FBN3: variants seen among roughly 807,000 people sequenced by gnomAD.
The protein encoded by FBN3 is fibrillin 3.
In FBN3, 234 loss-of-function variants were observed where a neutral mutation model predicts 330.1. The observed-to-expected ratio is 0.71, with a 90% CI of 0.64 to 0.79. The LOEUF is 0.79. Ranked by LOEUF, FBN3 falls within the 30% of genes least tolerant of loss-of-function variation. The probability of loss-of-function intolerance (pLI) is 0.00; values close to 1 mark genes in which losing one functional copy is unlikely to be tolerated. For missense variants in FBN3, 3,606 were observed against 3,886.9 expected (o/e 0.93, Z 1.92); for synonymous variants, 1,458 against 1,517.3 (o/e 0.96, Z 0.91).
chr19:8,108,322 A>G, intron 36 of FBN3, 84 bp from the exon 37 acceptor site: 1 of 1,097,280 alleles, frequency 9.1e-7, no homozygotes, highest in Non-Finnish European at 1.3e-6. Context: ...GGAAGCCTGA[A>G]AAGGGCTCAA....
rs1378486791 is a variant in FBN3, at chr19:8,121,104, C to T, written c.3211+154G>A. 6.6e-6 allele frequency among the ~76,000 whole-genome samples: 1 copy of T among 151,972 alleles called. No homozygotes were observed. Among genetic ancestry groups the T allele is most frequent in the East Asian group, 1.9e-4 (1 of 5,170 alleles). On this transcript the variant is annotated intron_variant, in intron 25 of 63. Coordinates refer to ENST00000600128, the MANE Select transcript of FBN3 (RefSeq NM_032447.5). This position sits in a 1 kb window ranked among gnomAD's most constrained non-coding sequence, Gnocchi z 4.5. The stretch of plus-strand genomic sequence containing the variant: ...CTCCTAAGGACGAGGCCTCATGGAG[C>T]CCAGACTCACTGTACCTCAGCTAAT...
At chr19:8,123,143 C>T (rs972834615) in intron 24 of FBN3, among the ~76,000 whole-genome samples, 28 of 151,742 alleles carry the variant, frequency 1.8e-4, no homozygotes, top group Non-Finnish European at 8.8e-5. Flanking sequence ...CACCTGAGGT[C>T]GGGAGTTCAA....
At chr19:8,071,630 C>A (rs2081513274) in intron 63 of FBN3, among the ~76,000 whole-genome samples, 1 of 132,582 alleles carries the variant, frequency 7.5e-6, no homozygotes, top group African/African-American at 2.5e-5. Context: ...AACTAAATCC[C>A]AAAAGGTCCC....
At chr19:8,083,219 G>A in intron 57 of FBN3, 28 bp downstream of exon 57, 1 of 1,613,314 alleles carries the variant, frequency 6.2e-7, no homozygotes, top group Non-Finnish European at 8.5e-7. Flanking sequence ...GCTGGGCCAA[G>A]GGTGCAGGTG....
intron 8 of FBN3, among the ~76,000 whole-genome samples, chr19:8,139,551 C>CTGTG (rs1206754099): frequency 6.6e-6 from 1 of 151,772 alleles, no homozygotes; most frequent in Non-Finnish European, 1.5e-5. Context: ...AGATCTGCAG[C>CTGTG]TGTGTGTCTT....
Position 8,142,127 on chromosome 19 carries a change from C to T in FBN3, c.552G>A (p.Thr184=), listed in dbSNP as rs199969660. 387 of 1,608,572 alleles carry T rather than the reference C, an allele frequency of 2.4e-4. No homozygotes were observed. The highest frequency in any genetic ancestry group is 7.0e-4 in the Admixed American group (42 of 59,836). ...MGPQCERDYR[T]GPCFGQVGPE... ...GGCCTACTTGGCCAAAGCAGGGTCC[C>T]GTCCGGTAATCTGCAGGGCAGACAG... The change falls in exon 7 of 64, where the codon ACG becomes ACA. Residue 184 remains threonine, a synonymous_variant. Coordinates refer to ENST00000600128, the MANE Select transcript of FBN3 (RefSeq NM_032447.5).
rs372313415 is a variant in FBN3 at position 8,066,125 on chromosome 19, C to T, written c.8224G>A (p.Val2742Ile). Residue 2742 changes from valine (V) to isoleucine (I), a missense_variant, in exon 64 of 64, where the codon GTC becomes ATC. Physicochemically the swap from Val to Ile is conservative, Grantham distance 29. Coordinates refer to ENST00000600128, the MANE Select transcript of FBN3 (RefSeq NM_032447.5). ...AAGAAACCTTGCTCGTTTCCGCGGA[C>T]GATGACGTAGCGGATCCGGCCCTCT... ...GLEGRIRYVI[V>I]RGNEQGFFRM... 114 of 1,613,416 alleles carry T rather than the reference C, an allele frequency of 7.1e-5. No homozygotes were observed. The highest frequency in any genetic ancestry group is 1.6e-4 in the Middle Eastern group (1 of 6,084).
chr19:8,142,738 GAGA>G lies in FBN3; in HGVS notation c.542-604_542-602del, dbSNP rs147736951. Among the ~76,000 whole-genome samples, 1,489 of 151,954 alleles carry G rather than the reference GAGA, an allele frequency of 9.8e-3. 24 individuals are homozygous for G. The highest frequency in any genetic ancestry group is 0.034 in the African/African-American group (1,385 of 41,322). ...CTCAAACAAGGGCAGCCGCTCCCAA[GAGA>G]AGAAGCCAAACTCACCCCCAACTCA... On this transcript the variant is annotated intron_variant, in intron 6 of 63. Coordinates refer to ENST00000600128, the MANE Select transcript of FBN3 (RefSeq NM_032447.5).
rs1386587458 is a variant in FBN3 at position 8,129,387 on chromosome 19, TCAG to T, written c.2045-25_2045-23del. 3.7e-5 allele frequency: 59 copies of T among 1,612,116 alleles called. No individual in the cohort carries two copies. The Middle Eastern group carries it at 6.6e-4, about 18-fold the overall frequency. On this transcript the variant is annotated intron_variant, in intron 16 of 63. Coordinates refer to ENST00000600128, the MANE Select transcript of FBN3 (RefSeq NM_032447.5). This position sits in a 1 kb window ranked among gnomAD's most constrained non-coding sequence, Gnocchi z 4.5. Reference sequence around the variant, plus strand: ...ATGTCTGCGGCAGGAGGAGGGTGTGTCAGCAGCAGCAGAAGGAGGGTGTGTCCG... The same window carrying T: ...ATGTCTGCGGCAGGAGGAGGGTGTGTCAGCAGCAGAAGGAGGGTGTGTCCG...
chr19:8,133,105 G>A lies in FBN3; in HGVS notation c.1593C>T (p.Asp531=). 1 of 1,572,326 alleles carries A rather than the reference G, an allele frequency of 6.4e-7. No individual in the cohort carries two copies. The highest frequency in any genetic ancestry group is 8.6e-7 in the Non-Finnish European group (1 of 1,159,936). ...TGGTGCTGGTGGCACACTCGTTGTG[G>A]TCTGGGGACAACAGCAGAGGCTGGG... is the stretch of plus-strand genomic sequence containing the variant. The part of the protein sequence containing the change: ...ELSPDGKNCV[D]HNECATSTMC... The change falls in exon 14 of 64, where the codon GAC becomes GAT. Residue 531 remains aspartate, a splice_region_variant and synonymous_variant. Coordinates refer to ENST00000600128, the MANE Select transcript of FBN3 (RefSeq NM_032447.5).
intron 61 of FBN3, 122 bp downstream of exon 61, chr19:8,074,949 G>A (rs2081604892): frequency 2.2e-6 from 3 of 1,341,402 alleles, no homozygotes; most frequent in Non-Finnish European, 3.0e-6. Flanking sequence ...TTCTGGGCTG[G>A]CCTGTTCAAT....
chr19:8,137,202 C>T (rs887511401), intron 10 of FBN3, among the ~76,000 whole-genome samples: 7 of 151,638 alleles, frequency 4.6e-5, no homozygotes, highest in Non-Finnish European at 8.8e-5. Flanking sequence ...TAGATCCCTC[C>T]AACCTGGGGC....
At chr19:8,107,617 T>A (rs1423527467) in intron 37 of FBN3, among the ~76,000 whole-genome samples, 1 of 142,334 alleles carries the variant, frequency 7.0e-6, no homozygotes. Context: ...GGGGGATAGA[T>A]GAAGGATGGG....
chr19:8,095,595 A>G lies in FBN3; in HGVS notation c.5657-92T>C, dbSNP rs541005928. ...TTCTGTCCACAACTGAGTTGAGCTGACAGCATTGGCTTCAACTTGAGCACT... is the reference window on the plus strand; with the variant it reads ...TTCTGTCCACAACTGAGTTGAGCTGGCAGCATTGGCTTCAACTTGAGCACT... On this transcript the variant is annotated intron_variant, in intron 45 of 63. Coordinates refer to ENST00000600128, the MANE Select transcript of FBN3 (RefSeq NM_032447.5). The G allele has an allele frequency of 3.1e-4, 441 of 1,421,112 alleles. 2 individuals are homozygous for G. The South Asian group carries it at 5.5e-3, about 18-fold the overall frequency. 88.0% of individuals were successfully genotyped at this position (1,421,112 alleles called of 1,614,324 possible). A position where few individuals can be genotyped will look rare whatever the true frequency, so the allele number is the denominator to read the frequency against.
intron 59 of FBN3, among the ~76,000 whole-genome samples, chr19:8,079,266 A>G (rs561703868): frequency 6.7e-4 from 102 of 152,270 alleles, no homozygotes; most frequent in South Asian, 1.9e-3. Flanking sequence ...ACAAAAAACA[A>G]AACAAAAAAC....
In FBN3 at chr19:8,117,225, T is replaced by C. The variant is rs771646463; in HGVS notation, c.3530A>G (p.Tyr1177Cys). The C allele has an allele frequency of 2.5e-6, 4 of 1,613,936 alleles. No homozygotes were observed. In the South Asian group the frequency reaches 4.4e-5, roughly 18 times the overall value. ...GTAGCCCTGCCCACAGCTGCACCGG[T>C]AGCTGCCCTCAGTGTTAATACAGTG... ...DVHCINTEGSYRCSCGQGYSL... is the reference protein window; with the variant it reads ...DVHCINTEGSCRCSCGQGYSL... Residue 1177 changes from tyrosine (Y) to cysteine (C), a missense_variant, in exon 28 of 64, where the codon TAC (tyrosine) becomes TGC (cysteine). Transcript: ENST00000600128.
chr19:8,103,576 C>A lies in FBN3; in HGVS notation c.4925G>T (p.Gly1642Val), dbSNP rs1456201591. ...ACGCTTCTTACCCATGCAGTTGTTGCCACCATTGACTTGGAGGTACTCTGC... is the reference window on the plus strand; with the variant it reads ...ACGCTTCTTACCCATGCAGTTGTTGACACCATTGACTTGGAGGTACTCTGC... ...CPAEYLQVNG[G>V]NNCMDMRKSV... Residue 1642 changes from glycine to valine, a missense_variant, in exon 39 of 64, where the codon GGC becomes GTC. By Grantham distance (109) the Gly-to-Val change is moderately radical. Transcript: ENST00000600128. 3 of 1,613,264 alleles carry A rather than the reference C, an allele frequency of 1.9e-6. No homozygotes were observed. The highest frequency in any genetic ancestry group is 2.5e-6 in the Non-Finnish European group (3 of 1,179,582).
chr19:8,136,575 C>T (rs371127025), intron 10 of FBN3, 44 bp from the exon 11 acceptor site: 23 of 1,608,076 alleles, frequency 1.4e-5, no homozygotes, highest in Middle Eastern at 1.7e-4. Context: ...TGGCTGGCCC[C>T]GCCCCAGTCT....
rs35025963 is a variant in FBN3, at chr19:8,126,300, C to A, written c.2602G>T (p.Asp868Tyr). 1.3e-6 allele frequency: 2 copies of A among 1,586,420 alleles called. No homozygotes were observed. The highest frequency in any genetic ancestry group is 2.3e-5 in the East Asian group (1 of 43,990). Residue 868 changes from aspartate to tyrosine, a missense_variant, in exon 21 of 64, where the codon GAT (aspartate) becomes TAT (tyrosine). Physicochemically the swap from Asp to Tyr is radical, Grantham distance 160. Coordinates refer to ENST00000600128, the MANE Select transcript of FBN3 (RefSeq NM_032447.5). ...GFARMTGVTCDDVNECESFPG... is the reference protein window; with the variant it reads ...GFARMTGVTCYDVNECESFPG... ...CTGGACACGGGCAGGCAGTTACCATCGCAGGTGACACCCGTCATCCGGGCA... is the reference window on the plus strand; with the variant it reads ...CTGGACACGGGCAGGCAGTTACCATAGCAGGTGACACCCGTCATCCGGGCA...
Sources: gnomAD v4.1 joint callset for allele counts (sites outside exome capture counted in the v4.1 genomes callset) on GRCh38, gnomAD v4.1.1 for gene constraint, Gnocchi (gnomAD v3.1) non-coding constraint, MANE v1.5 for transcripts, NCBI Gene and HGNC (gene_info 2026-07-23, HGNC 2026-07-21) for gene names.